EPB41: variants seen among roughly 807,000 people sequenced by gnomAD.
EPB41 encodes the protein protein 4.1.
A neutral mutation model predicts 108.0 loss-of-function variants in EPB41; 65 were observed. The ratio of observed to expected loss-of-function variants is 0.60; its 90% CI spans 0.49 to 0.74. The LOEUF (loss-of-function observed/expected upper bound fraction) is 0.74, where lower values mean the gene tolerates loss of function less well. Among genes scored for constraint, EPB41 ranks in the 30% least tolerant of loss-of-function variants. The pLI is 0.00. For synonymous variants in EPB41, 336 were observed against 358.9 expected (o/e 0.94, Z 0.72); for missense variants, 875 against 1,037.0 (o/e 0.84, Z 2.15).
chr1:29,002,096 A>G (rs1431976626), intron 4 of EPB41, among the ~76,000 whole-genome samples: 1 of 152,198 alleles, frequency 6.6e-6, no homozygotes, highest in African/African-American at 2.4e-5. Context: ...GATAATCTGT[A>G]TGAAAGCATG....
chr1:29,073,193 A>G (rs1255774459), intron 16 of EPB41: 1 of 151,814 alleles, frequency 6.6e-6, no homozygotes, highest in African/African-American at 2.4e-5. Flanking sequence ...TCTAATACAT[A>G]TTGGTGTTAC....
chr1:29,073,729 C>T (rs1299636384), intron 16 of EPB41, among the ~76,000 whole-genome samples: 1 of 152,048 alleles, frequency 6.6e-6, no homozygotes, highest in African/African-American at 2.4e-5. Flanking sequence ...CTAACACTTG[C>T]AATATGAAGG....
At chr1:28,916,157 C>T (rs2092651570) in intron 1 of EPB41, among the ~76,000 whole-genome samples, 1 of 152,166 alleles carries the variant, frequency 6.6e-6, no homozygotes. Flanking sequence ...TACATGCTAT[C>T]TGGCGTACAG....
At chr1:29,068,493 A>C (rs1486236012) in intron 16 of EPB41, among the ~76,000 whole-genome samples, 1 of 152,210 alleles carries the variant, frequency 6.6e-6, no homozygotes, top group Non-Finnish European at 1.5e-5. Context: ...AACAATATCC[A>C]TGGGAGTACT....
intron 4 of EPB41, among the ~76,000 whole-genome samples, chr1:29,003,986 C>T (rs1460835906): frequency 6.6e-6 from 1 of 152,190 alleles, no homozygotes; most frequent in East Asian, 1.9e-4. Flanking sequence ...TGGTCTTGAA[C>T]TCCTGGCCTC....
intron 16 of EPB41, among the ~76,000 whole-genome samples, chr1:29,074,933 C>T (rs528035917): frequency 7.2e-5 from 11 of 151,984 alleles, no homozygotes; most frequent in East Asian, 1.9e-4. Flanking sequence ...CTGAGGCGGG[C>T]GGATCACAAG....
intron 15 of EPB41, among the ~76,000 whole-genome samples, chr1:29,064,099 C>G (rs1446282484): frequency 6.6e-6 from 1 of 151,928 alleles, no homozygotes; most frequent in Non-Finnish European, 1.5e-5. Context: ...AAAATTTAAT[C>G]TGCTGGAACA....
chr1:29,101,651 G>A (rs1477399959), intron 17 of EPB41, among the ~76,000 whole-genome samples: 1 of 152,108 alleles, frequency 6.6e-6, no homozygotes, highest in Non-Finnish European at 1.5e-5. Flanking sequence ...CTGGGTGAAA[G>A]AGCGAGCGTC....
chr1:29,011,980 C>A, intron 5 of EPB41, 73 bp downstream of exon 5: 1 of 1,530,294 alleles, frequency 6.5e-7, no homozygotes, highest in Non-Finnish European at 9.0e-7. Flanking sequence ...CCATTTCTGG[C>A]TGTGAGTCAG....
At chr1:29,089,885 G>C (rs1271365745) in intron 16 of EPB41, among the ~76,000 whole-genome samples, 1 of 152,094 alleles carries the variant, frequency 6.6e-6, no homozygotes, top group Non-Finnish European at 1.5e-5. Context: ...GTTCAAGGAA[G>C]GTTTGAGATG....
At chr1:28,981,190 G>T (rs1386845836) in intron 1 of EPB41, among the ~76,000 whole-genome samples, 1 of 152,218 alleles carries the variant, frequency 6.6e-6, no homozygotes, top group Non-Finnish European at 1.5e-5. Flanking sequence ...TGGTGTTTCT[G>T]TTTGATCACC....
intron 4 of EPB41, among the ~76,000 whole-genome samples, chr1:29,001,939 GA>G (rs1216961253): frequency 5.3e-5 from 8 of 152,108 alleles, no homozygotes; most frequent in Non-Finnish European, 1.0e-4. Context: ...TGCCTGGGCT[GA>G]ATGTGGTAGG....
chr1:29,019,811 C>T (rs1373954203), intron 7 of EPB41, among the ~76,000 whole-genome samples: 2 of 152,138 alleles, frequency 1.3e-5, no homozygotes, highest in Admixed American at 6.5e-5. Flanking sequence ...GTTATTGCCC[C>T]TGTAGGTTCA....
intron 4 of EPB41, 62 bp from the exon 5 acceptor site, chr1:29,011,803 C>T: frequency 6.3e-7 from 1 of 1,577,306 alleles, no homozygotes; most frequent in Non-Finnish European, 8.7e-7. Context: ...GATCTTGCTT[C>T]CAGTACTCTG....
At chr1:29,113,451 G>T (rs1027540249) in intron 19 of EPB41, among the ~76,000 whole-genome samples, 4 of 152,262 alleles carry the variant, frequency 2.6e-5, no homozygotes, top group African/African-American at 9.6e-5. Context: ...AAACAAGGCT[G>T]CAAAGCCTAA....
intron 11 of EPB41, 124 bp downstream of exon 11, chr1:29,039,550 C>T: frequency 8.0e-7 from 1 of 1,254,024 alleles, no homozygotes; most frequent in Non-Finnish European, 1.1e-6. Context: ...CAGTGGCTTA[C>T]ACCTGTAATC....
At chr1:29,077,728 T>C (rs35579088) in intron 16 of EPB41, among the ~76,000 whole-genome samples, 46,405 of 152,100 alleles carry the variant, frequency 0.31, 8,858 homozygotes, top group Non-Finnish European at 0.41. Flanking sequence ...ATATGGTCTG[T>C]CACAACCACT....
chr1:28,914,448 G>GCCCGGC (rs2092427100), upstream of EPB41: 1 of 152,496 alleles, frequency 6.6e-6, no homozygotes, highest in African/African-American at 2.4e-5. Flanking sequence ...CGGGCCGCGG[G>GCCCGGC]CCCGGCCCCC....
intron 1 of EPB41, 73 bp from the exon 2 acceptor site, chr1:28,987,358 A>T: frequency 7.8e-7 from 1 of 1,281,140 alleles, no homozygotes; most frequent in Non-Finnish European, 1.1e-6. Context: ...TTAATTTTTT[A>T]GGGTTTAGGG....
Sources: allele counts gnomAD v4.1 joint callset (sites outside exome capture counted in the v4.1 genomes callset), GRCh38; gene constraint gnomAD v4.1.1; transcripts MANE v1.5; gene names NCBI Gene and HGNC (gene_info 2026-07-23, HGNC 2026-07-21).